NSD1: variants seen among roughly 807,000 people sequenced by gnomAD.
The protein encoded by NSD1 is histone-lysine N-methyltransferase, H3 lysine-36 specific.
Under a neutral mutation model 242.7 loss-of-function variants are expected in NSD1, and 26 were observed. The observed-to-expected ratio is 0.11, with a 90% CI of 0.08 to 0.15. The LOEUF (loss-of-function observed/expected upper bound fraction) is 0.15, where lower values mean the gene tolerates loss of function less well. Ranked by LOEUF, NSD1 falls within the 10% of genes least tolerant of loss-of-function variation. The probability of loss-of-function intolerance (pLI) is 1.00; values close to 1 mark genes in which losing one functional copy is unlikely to be tolerated. For synonymous variants in NSD1, 1,106 were observed against 1,178.1 expected, an observed-to-expected ratio of 0.94 and a Z score of 1.25; for missense variants, 2,495 against 3,272.8, an observed-to-expected ratio of 0.76 and a Z score of 5.80.
chr5:177,288,766 A>T (rs908125960), intron 20 of NSD1, 53 bp from the exon 21 acceptor site: 2 of 1,301,908 alleles, frequency 1.5e-6, no homozygotes, highest in African/African-American at 2.9e-5. Flanking sequence ...ATTAATACAG[A>T]AATAATGTAA....
At chr5:177,241,472 T>C (rs1765862185) in intron 8 of NSD1, among the ~76,000 whole-genome samples, 3 of 150,866 alleles carry the variant, frequency 2.0e-5, no homozygotes, top group Admixed American at 1.3e-4. Flanking sequence ...GCCATTGCAC[T>C]CCAGCCTAGG....
At chr5:177,225,178 G>T (rs1163021185) in intron 5 of NSD1, among the ~76,000 whole-genome samples, 2 of 152,048 alleles carry the variant, frequency 1.3e-5, no homozygotes, top group East Asian at 3.9e-4. Context: ...ACGGAGTTTC[G>T]CCCTCATCGC....
At position 177,296,128 on chromosome 5, in the gene NSD1, C is replaced by T; in HGVS notation, c.*669C>T. The stretch of plus-strand genomic sequence containing the variant: ...GCTGCGGTGTGCATGGGTGCGTGTG[C>T]ATGCGCGCACACTCACAGAGGTCTC... On this transcript the variant is annotated 3_prime_UTR_variant, in exon 23 of 23. Transcript: ENST00000439151. 1 of 246,050 alleles carries T rather than the reference C, an allele frequency of 4.1e-6. No homozygotes were observed. The highest frequency in any genetic ancestry group is 5.7e-5 in the East Asian group (1 of 17,422). The allele number at this position is 246,050 out of a possible 1,614,324, so 15.2% of individuals were successfully genotyped here. A position where few individuals can be genotyped will look rare whatever the true frequency, so the allele number is the denominator to read the frequency against.
rs118124638 is a variant in NSD1 at position 177,194,329 on chromosome 5, G to A, written c.1063+2310G>A. ...GGCTGGAGTGTAATGGCATAACAAC[G>A]CCTCACTGAAGCCTTGATCTCCAGG... On this transcript the variant is annotated intron_variant, in intron 3 of 22. Transcript: ENST00000439151. Among the ~76,000 whole-genome samples the A allele has an allele frequency of 3.6e-4, 54 of 151,596 alleles. No individual in the cohort carries two copies. In the East Asian group the frequency reaches 0.01, roughly 28 times the overall value.
chr5:177,155,954 C>T (rs1307955438), intron 2 of NSD1, among the ~76,000 whole-genome samples: 1 of 152,050 alleles, frequency 6.6e-6, no homozygotes, highest in Non-Finnish European at 1.5e-5. Flanking sequence ...ATATGCCCGA[C>T]TCAGCCTCCC....
intron 20 of NSD1, among the ~76,000 whole-genome samples, chr5:177,287,693 A>C (rs1759448549): frequency 6.6e-6 from 1 of 152,188 alleles, no homozygotes; most frequent in South Asian, 2.1e-4. Flanking sequence ...CGAAAGATTC[A>C]ATCCAGTTAA....
In NSD1 at chr5:177,159,306, A is replaced by G. The variant is rs1280553926; in HGVS notation, c.927+23276A>G. ...TTTTGTTTGTTTGTTTGTTTTTGAG[A>G]CACAGTCTCACTCGGTTGTCCAGGC... On this transcript the variant is annotated intron_variant, in intron 2 of 22. Transcript: ENST00000439151. 2.0e-5 allele frequency among the ~76,000 whole-genome samples: 3 copies of G among 149,470 alleles called. No individual in the cohort carries two copies. The Admixed American group carries it at 2.0e-4, about 10-fold the overall frequency.
chr5:177,166,608 T>C (rs1240338108), intron 2 of NSD1, among the ~76,000 whole-genome samples: 17 of 152,194 alleles, frequency 1.1e-4, no homozygotes, highest in South Asian at 1.0e-3. Context: ...TTTTTTTTGT[T>C]GTTGCTCAGT....
At chr5:177,232,810 G>A (rs986129766) in intron 5 of NSD1, among the ~76,000 whole-genome samples, 3 of 152,196 alleles carry the variant, frequency 2.0e-5, no homozygotes, top group Non-Finnish European at 4.4e-5. Context: ...TAATAAGAAA[G>A]GAGGAAGAAT....
chr5:177,281,374 A>G (rs1758867592), intron 18 of NSD1, among the ~76,000 whole-genome samples: 2 of 147,484 alleles, frequency 1.4e-5, no homozygotes, highest in African/African-American at 5.1e-5. Flanking sequence ...TTCTGGTTAC[A>G]TTTTCTGAAG....
chr5:177,248,016 C>T (rs1165226611), intron 10 of NSD1, 165 bp from the exon 11 acceptor site: 1 of 985,304 alleles, frequency 1.0e-6, no homozygotes, highest in Non-Finnish European at 1.2e-6. Context: ...CACTACCCGC[C>T]CAATCACAGC....
At position 177,264,028 on chromosome 5, in the gene NSD1, A is replaced by ATTTTTTTTTTTTTTTTTTTTTTTTTTTTT. The variant is rs61538775; in HGVS notation, c.5147-3508_5147-3507insTTTTTTTTTTTTTTTTTTTTTTTTTTTTT. Among the ~76,000 whole-genome samples the ATTTTTTTTTTTTTTTTTTTTTTTTTTTTT allele has an allele frequency of 5.8e-4, 44 of 76,384 alleles. 6 individuals are homozygous for ATTTTTTTTTTTTTTTTTTTTTTTTTTTTT. The highest frequency in any genetic ancestry group is 8.6e-4 in the Non-Finnish European group (35 of 40,756). 50.1% of individuals were successfully genotyped at this position (76,384 alleles called of 152,430 possible). On this transcript the variant is annotated intron_variant, in intron 14 of 22. Transcript: ENST00000439151. ...AAGATGCATATGACTCAATGAACCAATTTTTTTTTTTTTTTTTTTTTTTTT... is the reference window on the plus strand; with the variant it reads ...AAGATGCATATGACTCAATGAACCAATTTTTTTTTTTTTTTTTTTTTTTTTTTTTTTTTTTTTTTTTTTTTTTTTTTTTT...
chr5:177,146,408 G>C (rs574630164), intron 2 of NSD1, among the ~76,000 whole-genome samples: 41 of 151,768 alleles, frequency 2.7e-4, no homozygotes, highest in Non-Finnish European at 5.7e-4. Flanking sequence ...GTTTCACCGT[G>C]TTATCCAGGG....
chr5:177,172,407 C>G (rs540561877), intron 2 of NSD1, among the ~76,000 whole-genome samples: 2 of 151,924 alleles, frequency 1.3e-5, no homozygotes, highest in Non-Finnish European at 2.9e-5. Context: ...GGCTTTGATG[C>G]TTTCATCAGG....
At chr5:177,287,268 G>T (rs1486830981) in intron 20 of NSD1, among the ~76,000 whole-genome samples, 1 of 152,206 alleles carries the variant, frequency 6.6e-6, no homozygotes, top group Non-Finnish European at 1.5e-5. Flanking sequence ...TTTTATTTGT[G>T]TATAAGGTAC....
intron 2 of NSD1, among the ~76,000 whole-genome samples, chr5:177,159,011 T>TATATGAATG (rs1261005770): frequency 7.6e-6 from 1 of 132,114 alleles, no homozygotes; most frequent in African/African-American, 2.9e-5. Flanking sequence ...TATATATATA[T>TATATGAATG]ATATATATAT....
rs1240581939 is a variant in NSD1, at chr5:177,238,828, A to G, written c.4192+321A>G. On this transcript the variant is annotated intron_variant, in intron 7 of 22. Transcript: ENST00000439151. The surrounding 1 kb of genome is among the most constrained non-coding windows in gnomAD (Gnocchi z 4.6). The stretch of plus-strand genomic sequence containing the variant: ...AGTACTGCACATTAGTGGAATAAGC[A>G]CTATGCTTCAAGTGCTGGCTCCACC... Among the ~76,000 whole-genome samples the G allele has an allele frequency of 1.3e-5, 2 of 152,198 alleles. No individual in the cohort carries two copies. The highest frequency in any genetic ancestry group is 1.3e-4 in the Admixed American group (2 of 15,274).
Position 177,249,586 on chromosome 5 carries a change from C to T in NSD1, c.4641+1262C>T, listed in dbSNP as rs145712524. On this transcript the variant is annotated intron_variant, in intron 11 of 22. Coordinates refer to ENST00000439151, the MANE Select transcript of NSD1 (RefSeq NM_022455.5). ...GGTTCACGCCATTCTCCTGCCTCAGCCTCCCATTCTCCTGCCTCAGCCTCC... is the reference window on the plus strand; with the variant it reads ...GGTTCACGCCATTCTCCTGCCTCAGTCTCCCATTCTCCTGCCTCAGCCTCC... 4.3e-3 allele frequency among the ~76,000 whole-genome samples: 651 copies of T among 151,708 alleles called. 3 individuals carry two copies. The highest frequency in any genetic ancestry group is 0.014 in the African/African-American group (595 of 41,528).
intron 12 of NSD1, among the ~76,000 whole-genome samples, chr5:177,254,398 G>GT (rs1382678763): frequency 6.6e-6 from 1 of 151,562 alleles, no homozygotes; most frequent in Non-Finnish European, 1.5e-5. Context: ...TTTCGTTGTT[G>GT]TTTTTTTTCT....
Sources: gnomAD v4.1 joint callset for allele counts (sites outside exome capture counted in the v4.1 genomes callset) on GRCh38, gnomAD v4.1.1 for gene constraint, Gnocchi (gnomAD v3.1) non-coding constraint, MANE v1.5 for transcripts, NCBI Gene and HGNC (gene_info 2026-07-23, HGNC 2026-07-21) for gene names.